The following C2orf49 variants were observed in gnomAD, a reference collection of about 807,000 sequenced individuals.
The protein encoded by C2orf49 is tRNA splicing ligase complex subunit 2, also known as tRNA-splicing ligase complex subunit ASW.
In C2orf49, 11 loss-of-function variants were observed where a neutral mutation model predicts 20.6. That is an observed-to-expected ratio of 0.53 (90% CI 0.34 to 0.88). C2orf49 has a LOEUF of 0.88. C2orf49 is among the 40% of genes least tolerant of loss of function. The pLI is 0.02. For synonymous variants in C2orf49, 134 were observed against 108.5 expected (o/e 1.24, Z -1.46); for missense variants, 289 against 274.2 (o/e 1.05, Z -0.38).
the C2orf49 span, among the ~76,000 whole-genome samples, chr2:105,368,673 C>G: frequency 6.6e-6 from 1 of 152,238 alleles, no homozygotes; most frequent in African/African-American, 2.4e-5. Flanking sequence ...GCTGGACTCA[C>G]TGCAAGTGCT....
the C2orf49 span, among the ~76,000 whole-genome samples, chr2:105,379,023 C>T: frequency 1.4e-4 from 22 of 152,112 alleles, no homozygotes; most frequent in African/African-American, 4.8e-4. Context: ...GTCAAGCGCC[C>T]GCCCCTCTGG....
At chr2:105,361,303 CG>C in the C2orf49 span, 1 of 1,613,538 alleles carries the variant, frequency 6.2e-7, no homozygotes, top group Non-Finnish European at 8.5e-7. Context: ...TTCCCACAGT[CG>C]GGGCACAGGA....
the C2orf49 span, among the ~76,000 whole-genome samples, chr2:105,379,238 T>C: frequency 6.6e-6 from 1 of 152,216 alleles, no homozygotes; most frequent in Admixed American, 6.5e-5. Flanking sequence ...GTAACAAGCA[T>C]GTATAACAGT....
the C2orf49 span, chr2:105,361,241 T>A: frequency 1.9e-6 from 3 of 1,580,736 alleles, no homozygotes; most frequent in Non-Finnish European, 2.6e-6. Context: ...AACATAAAAA[T>A]CTGTGTGTGA....
chr2:105,384,884 G>C, the C2orf49 span, among the ~76,000 whole-genome samples: 1 of 152,198 alleles, frequency 6.6e-6, no homozygotes, highest in African/African-American at 2.4e-5. Flanking sequence ...CACAGCAAGT[G>C]AGACACAGAG....
chr2:105,372,411 G>A, the C2orf49 span, among the ~76,000 whole-genome samples: 134 of 152,102 alleles, frequency 8.8e-4, no homozygotes, highest in Admixed American at 3.5e-3. Flanking sequence ...ATTTTTAGTA[G>A]AGACAGCGTT....
rs142908986 is a variant in C2orf49, at chr2:105,343,125, A to C, written c.544A>C (p.Ser182Arg). Residue 182 changes from serine (S) to arginine (R), a missense_variant, in exon 3 of 4, where the codon AGT becomes CGT. Coordinates refer to ENST00000258457, the MANE Select transcript of C2orf49 (RefSeq NM_024093.3). ...GAACCATGACTTAACGCATAGGAAA[A>C]GTCCTTCAGGCCCTGTGAAGTCGCC... ...KQNHDLTHRK[S>R]PSGPVKSPPL... 93 of 1,614,248 alleles carry C rather than the reference A, an allele frequency of 5.8e-5. No individual in the cohort carries two copies. The East Asian group carries it at 2.0e-3, about 35-fold the overall frequency.
chr2:105,368,180 A>G, the C2orf49 span, among the ~76,000 whole-genome samples: 7 of 152,302 alleles, frequency 4.6e-5, 1 homozygote, highest in South Asian at 1.5e-3. Context: ...CAGGATGGAA[A>G]TGGCTAGAGT....
chr2:105,379,540 T>C, the C2orf49 span, among the ~76,000 whole-genome samples: 13 of 152,358 alleles, frequency 8.5e-5, no homozygotes, highest in East Asian at 2.1e-3. Context: ...TTCTTATAGA[T>C]GAGCAGATTC....
At chr2:105,379,364 T>C in the C2orf49 span, among the ~76,000 whole-genome samples, 1 of 152,236 alleles carries the variant, frequency 6.6e-6, no homozygotes, top group African/African-American at 2.4e-5. Flanking sequence ...CATTTCCTTA[T>C]GAAGACAGTC....
the C2orf49 span, among the ~76,000 whole-genome samples, chr2:105,369,691 C>G: frequency 1.3e-5 from 2 of 152,226 alleles, no homozygotes; most frequent in Admixed American, 6.5e-5. Context: ...TCTTCAACCT[C>G]CATGCATACT....
chr2:105,370,415 G>T, the C2orf49 span, among the ~76,000 whole-genome samples: 1 of 152,076 alleles, frequency 6.6e-6, no homozygotes, highest in African/African-American at 2.4e-5. Flanking sequence ...AAATTTGGTT[G>T]CAGGGTTGGA....
At chr2:105,341,050 C>A (rs1679651847) in intron 2 of C2orf49, among the ~76,000 whole-genome samples, 1 of 152,190 alleles carries the variant, frequency 6.6e-6, no homozygotes, top group South Asian at 2.1e-4. Context: ...GACCTTTGAT[C>A]AAGAATGCAT....
rs1679712238 is a variant in C2orf49, at chr2:105,343,016, C to T, written c.435C>T (p.Ser145=). The change falls in exon 3 of 4, where the codon TCC becomes TCT. Residue 145 remains serine, a synonymous_variant. Coordinates refer to ENST00000258457, the MANE Select transcript of C2orf49 (RefSeq NM_024093.3). ...TSNAFRKLSN[S]SSSVSPLILS... ...ATGCCTTTAGAAAATTATCAAATTC[C>T]TCTTCGAGTGTTTCACCCCTAATTT... The T allele has an allele frequency of 6.8e-6, 11 of 1,614,166 alleles. No individual in the cohort carries two copies. Among genetic ancestry groups the T allele is most frequent in the Non-Finnish European group, 9.3e-6 (11 of 1,180,008 alleles).
chr2:105,355,768 TTTTGTGTG>T, the C2orf49 span, among the ~76,000 whole-genome samples: 155 of 100,586 alleles, frequency 1.5e-3, no homozygotes, highest in African/African-American at 3.9e-3. Context: ...GGAGAAAAAA[TTTTGTGTG>T]TGTGTGTGTG....
chr2:105,368,317 A>G, the C2orf49 span, among the ~76,000 whole-genome samples: 3 of 152,146 alleles, frequency 2.0e-5, no homozygotes, highest in Non-Finnish European at 1.5e-5. Context: ...AAGTGCTATA[A>G]TTAAAACCTA....
At chr2:105,349,973 A>G (rs746914396), downstream of C2orf49, among the ~76,000 whole-genome samples, 2 of 152,018 alleles carry the variant, frequency 1.3e-5, no homozygotes, top group Admixed American at 6.5e-5. Flanking sequence ...GAATGCTTCT[A>G]CTCTTACACT....
rs571728006 is a variant in C2orf49, at chr2:105,342,741, T to C, written c.267-107T>C. 4.4e-6 allele frequency: 5 copies of C among 1,126,274 alleles called. No homozygotes were observed. The South Asian group carries it at 8.4e-5, about 19-fold the overall frequency. 69.8% of individuals were successfully genotyped at this position (1,126,274 alleles called of 1,614,324 possible). On this transcript the variant is annotated intron_variant, in intron 2 of 3. Coordinates refer to ENST00000258457, the MANE Select transcript of C2orf49 (RefSeq NM_024093.3). ...TTCATTTTTAATAGTCTCAGATTAG[T>C]CTTATCAGAAAATCTTTTTGTTTAC...
At chr2:105,363,249 A>G in the C2orf49 span, 6 of 1,607,792 alleles carry the variant, frequency 3.7e-6, no homozygotes, top group African/African-American at 2.7e-5. Context: ...TCAAGCTTCC[A>G]ATCGCCCCTG....
Sources: gnomAD v4.1 joint callset for allele counts (sites outside exome capture counted in the v4.1 genomes callset) on GRCh38, gnomAD v4.1.1 for gene constraint, MANE v1.5 for transcripts, NCBI Gene and HGNC (gene_info 2026-07-23, HGNC 2026-07-21) for gene names.